Variants in KHDRBS2 observed in about 807,000 individuals in gnomAD.
KHDRBS2 encodes the protein KH RNA binding domain containing, signal transduction associated 2.
KHDRBS2 carries 26 observed loss-of-function variants against 44.3 expected under a neutral mutation model. That is an observed-to-expected ratio of 0.59 (90% CI 0.43 to 0.81). The LOEUF is 0.81. Among genes scored for constraint, KHDRBS2 ranks in the 40% least tolerant of loss-of-function variants. The pLI is 0.00. For missense variants in KHDRBS2, 476 were observed against 433.1 expected (o/e 1.10, Z -0.88); for synonymous variants, 194 against 151.1 (o/e 1.28, Z -2.08).
chr6:61,582,392 T>A, the KHDRBS2 span, among the ~76,000 whole-genome samples: 2 of 148,594 alleles, frequency 1.3e-5, no homozygotes, highest in African/African-American at 5.0e-5. Context: ...AGTATATAAT[T>A]CCAGAAAACT....
At chr6:61,873,861 G>A (rs1156828224) in intron 6 of KHDRBS2, among the ~76,000 whole-genome samples, 1 of 151,894 alleles carries the variant, frequency 6.6e-6, no homozygotes, top group African/African-American at 2.4e-5. Context: ...TAAGAGAAAA[G>A]CAAGGTGAGA....
At chr6:62,146,803 G>A (rs973415977) in intron 2 of KHDRBS2, among the ~76,000 whole-genome samples, 3 of 151,494 alleles carry the variant, frequency 2.0e-5, no homozygotes, top group Admixed American at 6.6e-5. Context: ...AAAATGGTAC[G>A]CTATACATCT....
At chr6:62,157,196 A>C (rs914319881) in intron 2 of KHDRBS2, among the ~76,000 whole-genome samples, 1 of 151,558 alleles carries the variant, frequency 6.6e-6, no homozygotes, top group African/African-American at 2.4e-5. Context: ...TCTACTAAAA[A>C]TAAGTAGTCC....
intron 2 of KHDRBS2, among the ~76,000 whole-genome samples, chr6:62,098,830 T>A (rs973078948): frequency 6.6e-6 from 1 of 152,156 alleles, no homozygotes; most frequent in Non-Finnish European, 1.5e-5. Flanking sequence ...TCTTCATTCC[T>A]TTATATTATT....
intron 3 of KHDRBS2, among the ~76,000 whole-genome samples, chr6:61,992,332 C>T (rs1776287176): frequency 6.6e-6 from 1 of 152,148 alleles, no homozygotes; most frequent in Non-Finnish European, 1.5e-5. Flanking sequence ...AGAAAATACT[C>T]ACGTTTCTTA....
the KHDRBS2 span, among the ~76,000 whole-genome samples, chr6:61,639,767 TTAAA>T: frequency 5.3e-5 from 8 of 152,134 alleles, no homozygotes; most frequent in Non-Finnish European, 8.8e-5. Flanking sequence ...TATACAGTAG[TTAAA>T]TAAATGTTGA....
intron 6 of KHDRBS2, among the ~76,000 whole-genome samples, chr6:61,879,955 T>C (rs1333626712): frequency 1.3e-5 from 2 of 151,820 alleles, no homozygotes; most frequent in African/African-American, 4.8e-5. Flanking sequence ...AACAAATAAG[T>C]GATAAGATAA....
chr6:61,981,778 G>A (rs551863933), intron 3 of KHDRBS2, among the ~76,000 whole-genome samples: 1 of 152,156 alleles, frequency 6.6e-6, no homozygotes, highest in Admixed American at 6.5e-5. Context: ...AACTAATTAG[G>A]TTCATTTGAT....
At chr6:62,059,455 T>A (rs1392841147) in intron 2 of KHDRBS2, among the ~76,000 whole-genome samples, 3 of 151,172 alleles carry the variant, frequency 2.0e-5, no homozygotes, top group African/African-American at 4.9e-5. Context: ...GAAAAGGAGA[T>A]GAGACTGAAG....
chr6:61,587,958 C>T, the KHDRBS2 span, among the ~76,000 whole-genome samples: 1 of 152,144 alleles, frequency 6.6e-6, no homozygotes, highest in Non-Finnish European at 1.5e-5. Flanking sequence ...ACAGCATTTT[C>T]AGGCAATGGA....
At position 61,982,596 on chromosome 6, in the gene KHDRBS2, G is replaced by A. The variant is rs1287097778; in HGVS notation, c.337-4384C>T. ...TGAGGCGAGAGAATGGCATGAACCC[G>A]GAAGGTGGAGCTTCCAGTGAGCCGA... On this transcript the variant is annotated intron_variant, in intron 3 of 8. Coordinates refer to ENST00000281156, the MANE Select transcript of KHDRBS2 (RefSeq NM_152688.4). Among the ~76,000 whole-genome samples, 5 of 151,708 alleles carry A rather than the reference G, an allele frequency of 3.3e-5. No homozygotes were observed. In the East Asian group the frequency reaches 5.9e-4, roughly 18 times the overall value.
the KHDRBS2 span, among the ~76,000 whole-genome samples, chr6:61,565,332 A>C: frequency 6.6e-6 from 1 of 151,980 alleles, no homozygotes; most frequent in South Asian, 2.1e-4. Context: ...ACATCAAGCT[A>C]TAAAGCTTCT....
At chr6:61,741,412 A>G (rs1776118369) in intron 6 of KHDRBS2, among the ~76,000 whole-genome samples, 1 of 151,972 alleles carries the variant, frequency 6.6e-6, no homozygotes, top group Admixed American at 6.6e-5. Context: ...ATTTTGGGAA[A>G]TAAATATGTT....
intron 2 of KHDRBS2, among the ~76,000 whole-genome samples, chr6:62,070,917 T>A (rs1794903091): frequency 2.0e-5 from 3 of 152,184 alleles, no homozygotes; most frequent in Non-Finnish European, 4.4e-5. Flanking sequence ...ATGGCCACAC[T>A]GACTTCCACA....
At chr6:62,237,709 A>T (rs913513862) in intron 1 of KHDRBS2, among the ~76,000 whole-genome samples, 1 of 152,182 alleles carries the variant, frequency 6.6e-6, no homozygotes, top group African/African-American at 2.4e-5. Flanking sequence ...CACATCTGGA[A>T]ATCAAGCTTG....
At chr6:62,081,348 A>T (rs1212028367) in intron 2 of KHDRBS2, among the ~76,000 whole-genome samples, 1 of 152,170 alleles carries the variant, frequency 6.6e-6, no homozygotes, top group Admixed American at 6.6e-5. Flanking sequence ...AAAGAAAGTA[A>T]AGTGTTATAC....
chr6:61,594,912 C>T, the KHDRBS2 span, among the ~76,000 whole-genome samples: 2 of 152,034 alleles, frequency 1.3e-5, no homozygotes, highest in Admixed American at 6.5e-5. Flanking sequence ...AAATAACAGT[C>T]ATTCATTTAG....
intron 6 of KHDRBS2, among the ~76,000 whole-genome samples, chr6:61,830,865 A>G (rs539413265): frequency 6.6e-6 from 1 of 152,184 alleles, no homozygotes; most frequent in Non-Finnish European, 1.5e-5. Flanking sequence ...GATAATTTAG[A>G]CATCTGTAAC....
chr6:62,124,789 T>G (rs907262858), intron 2 of KHDRBS2, among the ~76,000 whole-genome samples: 12 of 152,148 alleles, frequency 7.9e-5, no homozygotes, highest in Admixed American at 3.9e-4. Flanking sequence ...GTAGTTCAAT[T>G]TTTAATTTTT....
Sources: gnomAD v4.1 joint callset for allele counts (sites outside exome capture counted in the v4.1 genomes callset) on GRCh38, gnomAD v4.1.1 for gene constraint, MANE v1.5 for transcripts, NCBI Gene and HGNC (gene_info 2026-07-23, HGNC 2026-07-21) for gene names.